BLTP1: variants seen among roughly 807,000 people sequenced by gnomAD.
The protein encoded by BLTP1 is bridge-like lipid transfer protein family member 1.
At chr4:122,206,685 G>A in the BLTP1 span, among the ~76,000 whole-genome samples, 2 of 151,724 alleles carry the variant, frequency 1.3e-5, no homozygotes, top group African/African-American at 4.8e-5. Flanking sequence ...CCAAATTTAT[G>A]TAAACGTGTG....
chr4:122,340,026 T>A, the BLTP1 span, among the ~76,000 whole-genome samples: 2 of 152,120 alleles, frequency 1.3e-5, no homozygotes, highest in Admixed American at 6.6e-5. Context: ...ATGCAAATGG[T>A]AAAAATTTTA....
chr4:122,240,099 G>A, the BLTP1 span: 1 of 1,614,156 alleles, frequency 6.2e-7, no homozygotes, highest in Non-Finnish European at 8.5e-7. Flanking sequence ...AGGTGGAGAA[G>A]ATGATGTTAT....
At chr4:122,182,002 TTTTTTC>T in the BLTP1 span, among the ~76,000 whole-genome samples, 1 of 152,160 alleles carries the variant, frequency 6.6e-6, no homozygotes, top group African/African-American at 2.4e-5. Flanking sequence ...TGTGGAATCT[TTTTTTC>T]TATTGAAAAT....
the BLTP1 span, chr4:122,169,725 G>A: frequency 1.0e-6 from 1 of 982,884 alleles, no homozygotes; most frequent in South Asian, 4.7e-5. Context: ...ATATGTGTAT[G>A]CATACAAATA....
At chr4:122,324,658 A>G in the BLTP1 span, 35 of 728,450 alleles carry the variant, frequency 4.8e-5, no homozygotes, top group Admixed American at 3.1e-5. Flanking sequence ...TATTAGTAAA[A>G]TAGCAATAAC....
the BLTP1 span, among the ~76,000 whole-genome samples, chr4:122,158,723 A>T: frequency 6.6e-6 from 1 of 152,146 alleles, no homozygotes; most frequent in East Asian, 1.9e-4. Flanking sequence ...GTGAGCTGAG[A>T]TTGCGCCACT....
chr4:122,284,606 T>C, the BLTP1 span, among the ~76,000 whole-genome samples: 1 of 147,996 alleles, frequency 6.8e-6, no homozygotes, highest in African/African-American at 2.6e-5. Context: ...TAGTCCCTGC[T>C]TATTCATGTG....
the BLTP1 span, chr4:122,355,697 A>C: frequency 7.9e-7 from 1 of 1,262,316 alleles, no homozygotes; most frequent in Non-Finnish European, 1.0e-6. Flanking sequence ...CCAACTTTGG[A>C]AATAATAGTT....
At chr4:122,326,170 C>A in the BLTP1 span, among the ~76,000 whole-genome samples, 2 of 151,598 alleles carry the variant, frequency 1.3e-5, no homozygotes, top group African/African-American at 4.8e-5. Context: ...AAAAAAACTA[C>A]AATTTATTAT....
At chr4:122,258,368 C>T in the BLTP1 span, among the ~76,000 whole-genome samples, 1 of 152,112 alleles carries the variant, frequency 6.6e-6, no homozygotes, top group African/African-American at 2.4e-5. Flanking sequence ...AATTTCAAAT[C>T]TACACAAAAG....
At chr4:122,302,913 A>G in the BLTP1 span, among the ~76,000 whole-genome samples, 1 of 152,196 alleles carries the variant, frequency 6.6e-6, no homozygotes, top group Admixed American at 6.5e-5. Context: ...AAAACTTGGA[A>G]GCTAGCAGAG....
chr4:122,319,347 G>A, the BLTP1 span, among the ~76,000 whole-genome samples: 1 of 151,640 alleles, frequency 6.6e-6, no homozygotes, highest in African/African-American at 2.4e-5. Context: ...TATGCATTCA[G>A]TTCTATAAAT....
chr4:122,240,868 C>G, the BLTP1 span, among the ~76,000 whole-genome samples: 2 of 152,092 alleles, frequency 1.3e-5, no homozygotes, highest in African/African-American at 4.8e-5. Flanking sequence ...ATTTAGGGGT[C>G]ATAGCCAATA....
At chr4:122,160,129 T>C in the BLTP1 span, among the ~76,000 whole-genome samples, 147,566 of 152,284 alleles carry the variant, frequency 0.97, 71,674 homozygotes, top group East Asian at 1. Flanking sequence ...CCTAAGTTTG[T>C]ATTTGTCGCC....
the BLTP1 span, chr4:122,243,694 G>T: frequency 1.7e-6 from 1 of 587,506 alleles, no homozygotes; most frequent in Non-Finnish European, 2.1e-6. Flanking sequence ...TCCAGCCTAG[G>T]TGACAGAGTG....
the BLTP1 span, chr4:122,167,620 C>T: frequency 1.0e-6 from 1 of 981,746 alleles, no homozygotes; most frequent in Non-Finnish European, 1.2e-6. Context: ...GCATCCTGTG[C>T]CTAACTTCTC....
At chr4:122,314,188 G>T in the BLTP1 span, 2 of 944,700 alleles carry the variant, frequency 2.1e-6, no homozygotes, top group African/African-American at 3.5e-5. Flanking sequence ...GGAGATGTGG[G>T]CCAGGGAAAA....
chr4:122,294,865 C>G, the BLTP1 span, among the ~76,000 whole-genome samples: 1 of 152,074 alleles, frequency 6.6e-6, no homozygotes, highest in Non-Finnish European at 1.5e-5. Flanking sequence ...AGCTGAGGAT[C>G]GTGACAAAAC....
At chr4:122,229,699 TTCCTTTTC>T in the BLTP1 span, 6 of 962,388 alleles carry the variant, frequency 6.2e-6, no homozygotes, top group African/African-American at 1.1e-4. Flanking sequence ...TTCTGCTTTT[TTCCTTTTC>T]TCCTTTTTAA....
Sources: allele counts gnomAD v4.1 joint callset (sites outside exome capture counted in the v4.1 genomes callset), GRCh38; gene constraint gnomAD v4.1.1; transcripts MANE v1.5; gene names NCBI Gene and HGNC (gene_info 2026-07-23, HGNC 2026-07-21).